CCNF: variants seen among roughly 807,000 people sequenced by gnomAD.
CCNF encodes the protein cyclin-F.
Under a neutral mutation model 85.4 loss-of-function variants are expected in CCNF, and 30 were observed. That is an observed-to-expected ratio of 0.35 (90% CI 0.26 to 0.48). The LOEUF (loss-of-function observed/expected upper bound fraction) is 0.48, where lower values mean the gene tolerates loss of function less well. Ranked by LOEUF, CCNF falls within the 20% of genes least tolerant of loss-of-function variation. The pLI is 0.99. For missense variants in CCNF, 919 were observed against 1,010.4 expected, an observed-to-expected ratio of 0.91 and a Z score of 1.23; for synonymous variants, 439 against 425.1, an observed-to-expected ratio of 1.03 and a Z score of -0.40.
At chr16:2,437,485 G>C (rs539251324) in intron 5 of CCNF, 163 bp downstream of exon 5, 79 of 574,196 alleles carry the variant, frequency 1.4e-4, no homozygotes, top group Non-Finnish European at 1.9e-4. Flanking sequence ...CTGGAAATCA[G>C]CTGGCACAGA....
Position 2,453,778 on chromosome 16 carries a change from C to G in CCNF, c.1715+241C>G, listed in dbSNP as rs1567391149. Among the ~76,000 whole-genome samples the G allele has an allele frequency of 6.6e-6, 1 of 152,204 alleles. No homozygotes were observed. Among genetic ancestry groups the G allele is most frequent in the African/African-American group, 2.4e-5 (1 of 41,438 alleles). On this transcript the variant is annotated intron_variant, in intron 15 of 16. Coordinates refer to ENST00000397066, the MANE Select transcript of CCNF (RefSeq NM_001761.3). This position sits in a 1 kb window ranked among gnomAD's most constrained non-coding sequence, Gnocchi z 5.6. ...ATTGCCTCTCGCTCTGACTGGGCTC[C>G]CTGTGGAGGAAGATGGTTTCGAGCA...
Position 2,457,150 on chromosome 16 carries a change from C to T in CCNF, c.*130C>T. 1 of 676,022 alleles carries T rather than the reference C, an allele frequency of 1.5e-6. No individual in the cohort carries two copies. 41.9% of individuals were successfully genotyped at this position (676,022 alleles called of 1,614,324 possible). On this transcript the variant is annotated 3_prime_UTR_variant, in exon 17 of 17. Transcript: ENST00000397066. ...AGAGAGCAGAGAGGATGACTTGCGG[C>T]CACCAAGTTTCTGTCTCCGCGGGAG...
At position 2,453,108 on chromosome 16, in the gene CCNF, T is replaced by A. The variant is rs936751211; in HGVS notation, c.1488-102T>A. On this transcript the variant is annotated intron_variant, in intron 13 of 16. Transcript: ENST00000397066. This position sits in a 1 kb window ranked among gnomAD's most constrained non-coding sequence, Gnocchi z 5.6. Reference sequence around the variant, plus strand: ...GGAACTGCCAGGTCAGATTCCAGAGTGACTGCACCATTTTGCATTCTCATT... The same window carrying A: ...GGAACTGCCAGGTCAGATTCCAGAGAGACTGCACCATTTTGCATTCTCATT... The A allele has an allele frequency of 1.1e-6, 1 of 945,782 alleles. No homozygotes were observed. Among genetic ancestry groups the A allele is most frequent in the Non-Finnish European group, 1.7e-6 (1 of 587,580 alleles). The allele number at this position is 945,782 out of a possible 1,614,324, so 58.6% of individuals were successfully genotyped here.
At chr16:2,441,144 G>T (rs1402217066) in intron 8 of CCNF, among the ~76,000 whole-genome samples, 1 of 152,084 alleles carries the variant, frequency 6.6e-6, no homozygotes, top group Non-Finnish European at 1.5e-5. Flanking sequence ...TGAGGCAGGA[G>T]AATTGCTTGA....
intron 1 of CCNF, 67 bp from the exon 2 acceptor site, chr16:2,431,062 TC>T (rs764562957): frequency 1.3e-6 from 2 of 1,488,526 alleles, no homozygotes; most frequent in Non-Finnish European, 1.9e-6. Context: ...CCTTTTTTTT[TC>T]CCTTCAAGGG....
At position 2,439,451 on chromosome 16, in the gene CCNF, G is replaced by A. The variant is rs2065309534; in HGVS notation, c.693G>A (p.Arg231=). The stretch of plus-strand genomic sequence containing the variant: ...ACCTCCTCTGGGAAAGCGACAGGAG[G>A]ACAGATGTGAGTGGTGCCTGCTCTG... ...SSYLLWESDR[R]TDVSDPGRCL... The change falls in exon 7 of 17, where the codon AGG becomes AGA. Residue 231 remains arginine, a synonymous_variant. Transcript: ENST00000397066. 1 of 1,607,246 alleles carries A rather than the reference G, an allele frequency of 6.2e-7. No homozygotes were observed. Among genetic ancestry groups the A allele is most frequent in the African/African-American group, 1.3e-5 (1 of 74,800 alleles).
At chr16:2,447,915 C>T (rs577619769) in intron 10 of CCNF, among the ~76,000 whole-genome samples, 6 of 152,306 alleles carry the variant, frequency 3.9e-5, no homozygotes, top group East Asian at 1.9e-4. Context: ...GTAGTCCCTG[C>T]GCCTCTTGTC....
intron 12 of CCNF, 30 bp from the exon 13 acceptor site, chr16:2,449,798 C>CCTCCATCCG: frequency 3.5e-6 from 5 of 1,422,020 alleles, no homozygotes; most frequent in Non-Finnish European, 5.0e-6. Context: ...CCCTCCATCC[C>CCTCCATCCG]CTCCACCCCT....
rs778367970 is a variant in CCNF at position 2,452,836 on chromosome 16, G to A, written c.1488-374G>A. 7 of 256,116 alleles carry A rather than the reference G, an allele frequency of 2.7e-5. No individual in the cohort carries two copies. The highest frequency in any genetic ancestry group is 5.0e-5 in the Admixed American group (1 of 19,922). 15.9% of individuals were successfully genotyped at this position (256,116 alleles called of 1,614,324 possible). ...TCTAGGTGATTTCCCTCGCGGTAAC[G>A]TTTGCTGGGTTTGTCCATGTGGTGT... On this transcript the variant is annotated intron_variant, in intron 13 of 16. Coordinates refer to ENST00000397066, the MANE Select transcript of CCNF (RefSeq NM_001761.3). The surrounding 1 kb of genome is among the most constrained non-coding windows in gnomAD (Gnocchi z 4.1).
intron 11 of CCNF, 41 bp from the exon 12 acceptor site, chr16:2,449,241 C>A (rs773248714): frequency 2.1e-5 from 33 of 1,606,230 alleles, no homozygotes; most frequent in Non-Finnish European, 2.4e-5. Flanking sequence ...ACCAAGGAGC[C>A]CCCGAGCGCT....
At chr16:2,439,864 T>C (rs1477558998) in intron 8 of CCNF, 38 bp downstream of exon 8, 1 of 1,566,758 alleles carries the variant, frequency 6.4e-7, no homozygotes, top group Non-Finnish European at 8.8e-7. Flanking sequence ...GGAGCTGGCC[T>C]TTCTCCCTCC....
chr16:2,457,165 C>A lies in CCNF; in HGVS notation c.*145C>A. ...TGACTTGCGGCCACCAAGTTTCTGT[C>A]TCCGCGGGAGTCCCGTGCAAGCCAT... On this transcript the variant is annotated 3_prime_UTR_variant, in exon 17 of 17. Transcript: ENST00000397066. 1.6e-6 allele frequency: 1 copy of A among 613,706 alleles called. No homozygotes were observed. Among genetic ancestry groups the A allele is most frequent in the Non-Finnish European group, 2.8e-6 (1 of 356,772 alleles). The allele number at this position is 613,706 out of a possible 1,614,324, so 38.0% of individuals were successfully genotyped here.
At chr16:2,437,968 C>T (rs1367006738) in intron 5 of CCNF, 102 bp from the exon 6 acceptor site, 29 of 776,872 alleles carry the variant, frequency 3.7e-5, no homozygotes, top group South Asian at 1.4e-4. Context: ...GAGGGCCAGA[C>T]AGCAGGGCCA....
At chr16:2,440,869 G>A (rs540770940) in intron 8 of CCNF, among the ~76,000 whole-genome samples, 5 of 152,198 alleles carry the variant, frequency 3.3e-5, no homozygotes, top group African/African-American at 4.8e-5. Context: ...TGGGAGGATC[G>A]CTTGAGCCCA....
chr16:2,446,879 C>T (rs1188051763), intron 10 of CCNF, among the ~76,000 whole-genome samples: 1 of 152,246 alleles, frequency 6.6e-6, no homozygotes, highest in Non-Finnish European at 1.5e-5. Context: ...AGTCTTGTGA[C>T]CACATCTCAC....
intron 4 of CCNF, chr16:2,436,165 C>T: frequency 3.0e-6 from 1 of 333,442 alleles, no homozygotes; most frequent in Non-Finnish European, 5.6e-6. Context: ...TGTTTGGGCT[C>T]CCTGCCCTGT....
At chr16:2,444,646 G>C (rs1275506725) in intron 9 of CCNF, among the ~76,000 whole-genome samples, 1 of 151,784 alleles carries the variant, frequency 6.6e-6, no homozygotes, top group East Asian at 1.9e-4. Context: ...ACCCAGGCCA[G>C]AGTGCAGTGG....
chr16:2,442,883 AT>A (rs1205506211), intron 8 of CCNF, among the ~76,000 whole-genome samples: 1 of 29,056 alleles, frequency 3.4e-5, no homozygotes, highest in Non-Finnish European at 4.6e-5. Flanking sequence ...TTATATTATA[AT>A]TATATATTAT....
intron 10 of CCNF, 89 bp downstream of exon 10, chr16:2,445,711 T>G (rs2141824668): frequency 8.2e-7 from 1 of 1,219,580 alleles, no homozygotes. Flanking sequence ...CCTCACTGGT[T>G]TGGTTTTGTT....
Sources: allele counts gnomAD v4.1 joint callset (sites outside exome capture counted in the v4.1 genomes callset), GRCh38; gene constraint gnomAD v4.1.1; non-coding constraint Gnocchi (gnomAD v3.1); transcripts MANE v1.5; gene names NCBI Gene and HGNC (gene_info 2026-07-23, HGNC 2026-07-21).